The following VPS8 variants were observed in gnomAD, a reference collection of about 807,000 sequenced individuals.
VPS8 encodes vacuolar protein sorting-associated protein 8 homolog.
A neutral mutation model predicts 216.4 loss-of-function variants in VPS8; 129 were observed. The observed-to-expected ratio is 0.60, with a 90% CI of 0.52 to 0.69. The LOEUF is 0.69. Ranked by LOEUF, VPS8 falls within the 30% of genes least tolerant of loss-of-function variation. VPS8 has a pLI of 0.00. For synonymous variants in VPS8, 571 were observed against 565.4 expected (o/e 1.01, Z -0.14); for missense variants, 1,531 against 1,683.5 (o/e 0.91, Z 1.59).
intron 45 of VPS8, among the ~76,000 whole-genome samples, chr3:185,015,927 C>CA (rs1755718371): frequency 6.6e-6 from 1 of 152,178 alleles, no homozygotes; most frequent in Non-Finnish European, 1.5e-5. Context: ...GCAATAACAC[C>CA]AGTGGGTGAA....
intron 14 of VPS8, among the ~76,000 whole-genome samples, chr3:184,858,726 ATTG>A (rs1366163198): frequency 6.6e-6 from 1 of 152,156 alleles, no homozygotes; most frequent in Non-Finnish European, 1.5e-5. Context: ...AGCAGATATT[ATTG>A]TTCTTTGTTC....
intron 46 of VPS8, among the ~76,000 whole-genome samples, chr3:185,036,832 G>A (rs1399661092): frequency 6.6e-6 from 1 of 151,718 alleles, no homozygotes; most frequent in Non-Finnish European, 1.5e-5. Flanking sequence ...ATAGGTTGTT[G>A]TAATTTTTAC....
At chr3:184,993,335 G>GT (rs1458360265) in intron 42 of VPS8, among the ~76,000 whole-genome samples, 23 of 151,452 alleles carry the variant, frequency 1.5e-4, no homozygotes, top group Admixed American at 3.9e-4. Flanking sequence ...GTGGTTTTTT[G>GT]TTTTTTGTTT....
intron 46 of VPS8, among the ~76,000 whole-genome samples, chr3:185,035,578 TCAA>T (rs1254642895): frequency 6.6e-6 from 1 of 152,118 alleles, no homozygotes; most frequent in Non-Finnish European, 1.5e-5. Flanking sequence ...ATAAAAACCC[TCAA>T]CAGACTAGGC....
chr3:185,030,665 T>C (rs1401608489), intron 46 of VPS8, among the ~76,000 whole-genome samples: 1 of 152,228 alleles, frequency 6.6e-6, no homozygotes, highest in Non-Finnish European at 1.5e-5. Context: ...CATTTACATG[T>C]TAATGGTGAC....
intron 15 of VPS8, among the ~76,000 whole-genome samples, chr3:184,862,139 A>G (rs1009379208): frequency 6.6e-6 from 1 of 152,228 alleles, no homozygotes; most frequent in Non-Finnish European, 1.5e-5. Context: ...CATGAATACC[A>G]GAGACATAAA....
intron 42 of VPS8, 79 bp downstream of exon 42, chr3:184,983,173 A>G: frequency 1.6e-6 from 2 of 1,233,124 alleles, no homozygotes; most frequent in Non-Finnish European, 2.2e-6. Context: ...GAATTGGGCT[A>G]ATATTTAAAT....
chr3:184,971,543 A>AT, intron 39 of VPS8, 106 bp from the exon 40 acceptor site: 1 of 682,444 alleles, frequency 1.5e-6, no homozygotes, highest in Non-Finnish European at 2.4e-6. Flanking sequence ...ATTATATACT[A>AT]GAAAATGAAG....
chr3:184,846,410 C>G (rs184655457), intron 8 of VPS8, among the ~76,000 whole-genome samples: 19 of 152,324 alleles, frequency 1.2e-4, no homozygotes, highest in Non-Finnish European at 2.4e-4. Flanking sequence ...TTTTCCTTCC[C>G]TCATTTCATC....
chr3:185,009,985 CAAAAA>C (rs11367805), intron 45 of VPS8, among the ~76,000 whole-genome samples: 24 of 91,398 alleles, frequency 2.6e-4, no homozygotes, highest in East Asian at 6.3e-4. Flanking sequence ...ACTTCAGGTC[CAAAAA>C]AAAAAAAAAA....
In VPS8 at chr3:184,816,794, G is replaced by A. The variant is rs146241925; in HGVS notation, c.-89+4569G>A. 3.0e-3 allele frequency among the ~76,000 whole-genome samples: 458 copies of A among 152,270 alleles called. 1 individual carries two copies. Among genetic ancestry groups the A allele is most frequent in the African/African-American group, 0.011 (446 of 41,546 alleles). The stretch of plus-strand genomic sequence containing the variant: ...CACAGGTGACGTGAACTGCTTGGGT[G>A]TGAGGCATGTGAGAACTGAGACATA... On this transcript the variant is annotated intron_variant, in intron 1 of 47. Transcript: ENST00000625842.
chr3:184,938,641 C>CTTTTTTTTTTTTT (rs1298836777), intron 35 of VPS8, among the ~76,000 whole-genome samples: 6 of 138,126 alleles, frequency 4.3e-5, no homozygotes, highest in Non-Finnish European at 6.1e-5. Flanking sequence ...CTTTTCTTTT[C>CTTTTTTTTTTTTT]TTTTTTTCTT....
Position 184,957,574 on chromosome 3 carries a change from A to G in VPS8, c.3183+53A>G. ...GAGTAAACTCTTCTTAACATTCTCC[A>G]TTTGACAGATGATCAAAGACAAGGG... On this transcript the variant is annotated intron_variant, in intron 37 of 47. Coordinates refer to ENST00000625842, the MANE Select transcript of VPS8 (RefSeq NM_001009921.3). 1.2e-5 allele frequency: 18 copies of G among 1,509,040 alleles called. No individual in the cohort carries two copies. In the South Asian group the frequency reaches 2.4e-4, roughly 20 times the overall value. The allele number at this position is 1,509,040 out of a possible 1,614,324, so 93.5% of individuals were successfully genotyped here.
intron 34 of VPS8, among the ~76,000 whole-genome samples, chr3:184,935,299 C>A (rs1366436674): frequency 1.3e-5 from 2 of 152,162 alleles, no homozygotes; most frequent in Admixed American, 1.3e-4. Flanking sequence ...TGAATGGCTA[C>A]AGATCAGTAG....
At chr3:184,978,698 T>C (rs1474258737) in intron 40 of VPS8, among the ~76,000 whole-genome samples, 1 of 152,174 alleles carries the variant, frequency 6.6e-6, no homozygotes, top group Admixed American at 6.5e-5. Flanking sequence ...GCACCTGGCC[T>C]CTCTTTTTCT....
At chr3:184,826,916 C>G (rs770499702) in intron 3 of VPS8, among the ~76,000 whole-genome samples, 7 of 152,180 alleles carry the variant, frequency 4.6e-5, no homozygotes, top group East Asian at 1.9e-4. Flanking sequence ...TAAAGGGGCT[C>G]TGTGAGAGGA....
chr3:184,869,492 G>C lies in VPS8; in HGVS notation c.1608G>C (p.Gly536=), dbSNP rs939452584. ...TTTCCTTCTCTGCAGGATTATCAGG[G>C]GATGCCAGTAAGCGAAAGGCTATTG... is the stretch of plus-strand genomic sequence containing the variant. ...GKAKAVVGLS[G]DASKRKAIVA... The change falls in exon 20 of 48, where the codon GGG becomes GGC. Residue 536 remains glycine, a synonymous_variant. Coordinates refer to ENST00000625842, the MANE Select transcript of VPS8 (RefSeq NM_001009921.3). The C allele has an allele frequency of 2.5e-6, 4 of 1,613,326 alleles. No individual in the cohort carries two copies. The highest frequency in any genetic ancestry group is 1.3e-5 in the African/African-American group (1 of 74,872).
At chr3:184,820,745 A>G (rs1191032083) in intron 1 of VPS8, among the ~76,000 whole-genome samples, 2 of 152,250 alleles carry the variant, frequency 1.3e-5, no homozygotes, top group Non-Finnish European at 2.9e-5. Flanking sequence ...AAGTGACAAA[A>G]GAGGAACTTG....
chr3:184,954,881 A>G (rs1379933959), intron 36 of VPS8, among the ~76,000 whole-genome samples: 1 of 152,264 alleles, frequency 6.6e-6, no homozygotes, highest in Non-Finnish European at 1.5e-5. Context: ...TATTATAAAC[A>G]TTAATCATTA....
Sources: allele counts gnomAD v4.1 joint callset (sites outside exome capture counted in the v4.1 genomes callset), GRCh38; gene constraint gnomAD v4.1.1; transcripts MANE v1.5; gene names NCBI Gene and HGNC (gene_info 2026-07-23, HGNC 2026-07-21).